CPQ: variants seen among roughly 807,000 people sequenced by gnomAD.
The protein encoded by CPQ is carboxypeptidase Q.
CPQ carries 37 observed loss-of-function variants against 45.7 expected under a neutral mutation model. The ratio of observed to expected loss-of-function variants is 0.81; its 90% confidence interval spans 0.62 to 1.07. The LOEUF (loss-of-function observed/expected upper bound fraction) is 1.07. Among genes scored for constraint, CPQ ranks in the 50% least tolerant of loss-of-function variants. The pLI is 0.00. For missense variants in CPQ, 537 were observed against 572.9 expected, an observed-to-expected ratio of 0.94 and a Z score of 0.64; for synonymous variants, 186 against 205.8, an observed-to-expected ratio of 0.90 and a Z score of 0.82.
At chr8:96,721,734 A>G (rs543262253) in intron 1 of CPQ, among the ~76,000 whole-genome samples, 8 of 152,098 alleles carry the variant, frequency 5.3e-5, no homozygotes, top group Non-Finnish European at 1.2e-4. Context: ...AAAGTAGCTC[A>G]CAGGTCCCCC....
intron 1 of CPQ, among the ~76,000 whole-genome samples, chr8:96,758,358 T>C (rs1424033410): frequency 6.6e-6 from 1 of 152,178 alleles, no homozygotes; most frequent in East Asian, 1.9e-4. Context: ...TTTTCTTATA[T>C]TTTTTTGAGA....
At chr8:96,862,431 A>C (rs1357601504) in intron 3 of CPQ, among the ~76,000 whole-genome samples, 1 of 151,932 alleles carries the variant, frequency 6.6e-6, no homozygotes, top group African/African-American at 2.4e-5. Flanking sequence ...TAGTTAGGCT[A>C]TCTCAATTTT....
At chr8:97,071,290 T>A (rs1230308359) in intron 7 of CPQ, among the ~76,000 whole-genome samples, 1 of 152,140 alleles carries the variant, frequency 6.6e-6, no homozygotes, top group Non-Finnish European at 1.5e-5. Flanking sequence ...TACTGGAGAA[T>A]CAGTAGTAAG....
At chr8:96,974,232 GA>G (rs60213434) in intron 5 of CPQ, among the ~76,000 whole-genome samples, 1 of 151,922 alleles carries the variant, frequency 6.6e-6, no homozygotes, top group Non-Finnish European at 1.5e-5. Context: ...TCTTATACCA[GA>G]AAAAACAAAC....
intron 1 of CPQ, among the ~76,000 whole-genome samples, chr8:96,693,505 T>A (rs942197679): frequency 6.6e-6 from 1 of 152,104 alleles, no homozygotes; most frequent in African/African-American, 2.4e-5. Context: ...CTCCAATACA[T>A]CTGGCAGCAG....
At chr8:96,835,453 A>C (rs1811517822) in intron 3 of CPQ, among the ~76,000 whole-genome samples, 1 of 152,106 alleles carries the variant, frequency 6.6e-6, no homozygotes, top group South Asian at 2.1e-4. Flanking sequence ...TATATAACTA[A>C]TATATTATGT....
chr8:97,127,690 A>AAAAAAATG (rs1811870885), intron 7 of CPQ, among the ~76,000 whole-genome samples: 1 of 152,160 alleles, frequency 6.6e-6, no homozygotes, highest in African/African-American at 2.4e-5. Context: ...CTCCATCCCA[A>AAAAAAATG]AAAAAATGAA....
chr8:96,692,329 C>G (rs1045859585), intron 1 of CPQ, among the ~76,000 whole-genome samples: 3 of 151,536 alleles, frequency 2.0e-5, no homozygotes, highest in African/African-American at 7.3e-5. Flanking sequence ...AACCCTAGGG[C>G]ATTAAGCAAA....
Position 97,047,003 on chromosome 8 carries a change from A to G in CPQ, c.1053+17509A>G, listed in dbSNP as rs1810270402. The stretch of plus-strand genomic sequence containing the variant: ...GAGATTTTTGTTTTGATAGATTTAC[A>G]GAGAGAAAAGAAACCACCAAGAATT... On this transcript the variant is annotated intron_variant, in intron 6 of 7. Coordinates refer to ENST00000220763, the MANE Select transcript of CPQ (RefSeq NM_016134.4). Among the ~76,000 whole-genome samples, 3 of 152,302 alleles carry G rather than the reference A, an allele frequency of 2.0e-5. No individual in the cohort carries two copies. In the South Asian group the frequency reaches 6.2e-4, roughly 32 times the overall value.
chr8:97,094,973 C>CT (rs1811186579), intron 7 of CPQ, among the ~76,000 whole-genome samples: 1 of 152,094 alleles, frequency 6.6e-6, no homozygotes, highest in Non-Finnish European at 1.5e-5. Flanking sequence ...TTTGATTTTT[C>CT]TGAAGCATTG....
At chr8:96,888,315 C>T (rs1469169265) in intron 4 of CPQ, among the ~76,000 whole-genome samples, 1 of 152,076 alleles carries the variant, frequency 6.6e-6, no homozygotes, top group Non-Finnish European at 1.5e-5. Context: ...ATTTCTGGCA[C>T]AAATAAGCTG....
intron 2 of CPQ, among the ~76,000 whole-genome samples, chr8:96,815,005 A>G (rs1334064433): frequency 6.6e-6 from 1 of 152,098 alleles, no homozygotes; most frequent in Admixed American, 6.6e-5. Flanking sequence ...TGGCAACCCC[A>G]CTTTGCCAGC....
intron 7 of CPQ, among the ~76,000 whole-genome samples, chr8:97,108,148 T>C (rs1218281348): frequency 1.3e-5 from 2 of 152,246 alleles, no homozygotes; most frequent in Non-Finnish European, 2.9e-5. Flanking sequence ...TTAATTTCTA[T>C]GTAAGTCTCA....
chr8:96,898,908 C>T (rs1812479229), intron 4 of CPQ, among the ~76,000 whole-genome samples: 1 of 151,750 alleles, frequency 6.6e-6, no homozygotes, highest in Non-Finnish European at 1.5e-5. Context: ...CACCCAGAAA[C>T]CAAGTCCCTC....
At chr8:96,877,074 T>C (rs1317525942) in intron 3 of CPQ, among the ~76,000 whole-genome samples, 1 of 152,166 alleles carries the variant, frequency 6.6e-6, no homozygotes, top group African/African-American at 2.4e-5. Flanking sequence ...CTTTTATAAA[T>C]TGCAGAAGGG....
intron 5 of CPQ, among the ~76,000 whole-genome samples, chr8:97,013,650 G>A (rs1021353802): frequency 6.6e-6 from 1 of 152,182 alleles, no homozygotes; most frequent in African/African-American, 2.4e-5. Context: ...TAAATGGTGT[G>A]AGGAAAATCA....
intron 1 of CPQ, among the ~76,000 whole-genome samples, chr8:96,769,578 C>T (rs568344211): frequency 1.1e-4 from 17 of 151,456 alleles, no homozygotes; most frequent in African/African-American, 3.4e-4. Flanking sequence ...TTTTGCAAGC[C>T]GTAAATACAA....
intron 5 of CPQ, among the ~76,000 whole-genome samples, chr8:97,000,515 G>T (rs1276064890): frequency 6.6e-6 from 1 of 152,058 alleles, no homozygotes; most frequent in Non-Finnish European, 1.5e-5. Context: ...CCCATTGCTT[G>T]TTTTTGTCAG....
intron 7 of CPQ, among the ~76,000 whole-genome samples, chr8:97,067,232 A>G (rs1866248820): frequency 6.6e-6 from 1 of 152,016 alleles, no homozygotes; most frequent in African/African-American, 2.4e-5. Context: ...TGGCCTCTAG[A>G]ACAGTCTTAA....
Sources: allele counts gnomAD v4.1 joint callset (sites outside exome capture counted in the v4.1 genomes callset), GRCh38; gene constraint gnomAD v4.1.1; transcripts MANE v1.5; gene names NCBI Gene and HGNC (gene_info 2026-07-23, HGNC 2026-07-21).